The following HTR2C variants were observed in gnomAD, a reference collection of about 807,000 sequenced individuals.
HTR2C encodes 5-hydroxytryptamine receptor 2C, also known as 5-hydroxytryptamine (serotonin) receptor 2C, G protein-coupled.
In HTR2C, 5 loss-of-function variants were observed where a neutral mutation model predicts 21.0. That is an observed-to-expected ratio of 0.24 (90% CI 0.12 to 0.50). The LOEUF is 0.50. HTR2C is among the 20% of genes least tolerant of loss of function. HTR2C has a pLI of 0.98. For missense variants in HTR2C, 271 were observed against 371.2 expected (o/e 0.73, Z 2.22); for synonymous variants, 150 against 145.3 (o/e 1.03, Z -0.23).
intron 4 of HTR2C, among the ~76,000 whole-genome samples, chrX:114,734,059 AAAAT>A (rs2069563415): frequency 9.0e-6 from 1 of 111,578 alleles, no homozygotes; most frequent in African/African-American, 3.3e-5. Flanking sequence ...AATGGTCAAA[AAAAT>A]AGGACAGCAT....
intron 5 of HTR2C, among the ~76,000 whole-genome samples, chrX:114,876,492 G>C (rs782207582): frequency 4.3e-5 from 4 of 92,119 alleles, no homozygotes; most frequent in Admixed American, 1.3e-4. Flanking sequence ...GAAGTGGCAC[G>C]AGTGGGCACC....
intron 2 of HTR2C, among the ~76,000 whole-genome samples, chrX:114,676,356 T>G (rs1556412675): frequency 9.0e-6 from 1 of 111,670 alleles, no homozygotes; most frequent in African/African-American, 3.3e-5. Flanking sequence ...CATTCAGAAT[T>G]ATCTTTAATC....
intron 5 of HTR2C, among the ~76,000 whole-genome samples, chrX:114,853,173 C>T (rs1474042098): frequency 1.8e-5 from 2 of 111,268 alleles, no homozygotes; most frequent in Middle Eastern, 4.6e-3. Flanking sequence ...GTATGAAAAC[C>T]ACTTCAGTGC....
At chrX:114,774,148 T>C (rs2070032715) in intron 4 of HTR2C, among the ~76,000 whole-genome samples, 1 of 112,095 alleles carries the variant, frequency 8.9e-6, no homozygotes, top group Admixed American at 9.5e-5. Flanking sequence ...ATAATATAAT[T>C]ATGTGTATGC....
At chrX:114,619,122 G>A (rs1030230105) in intron 2 of HTR2C, among the ~76,000 whole-genome samples, 5 of 110,983 alleles carry the variant, frequency 4.5e-5, no homozygotes, top group Admixed American at 9.6e-5. Context: ...TAGCATCACG[G>A]GGAATTGCAC....
intron 5 of HTR2C, among the ~76,000 whole-genome samples, chrX:114,874,917 A>T (rs1350927172): frequency 8.9e-6 from 1 of 111,879 alleles, no homozygotes; most frequent in Non-Finnish European, 1.9e-5. Flanking sequence ...TGTGAGTTGT[A>T]TGAATTCCCT....
intron 4 of HTR2C, among the ~76,000 whole-genome samples, chrX:114,830,818 G>A (rs1556460509): frequency 1.3e-5 from 1 of 75,159 alleles, no homozygotes; most frequent in Non-Finnish European, 2.6e-5. Context: ...CTAGCATTAG[G>A]TATATCTCCC....
At chrX:114,656,444 C>A (rs987614580) in intron 2 of HTR2C, among the ~76,000 whole-genome samples, 1 of 111,007 alleles carries the variant, frequency 9.0e-6, no homozygotes. Context: ...CAATTTGTTT[C>A]TTAATGCAAT....
At chrX:114,754,870 G>A (rs1324421500) in intron 4 of HTR2C, among the ~76,000 whole-genome samples, 2 of 111,979 alleles carry the variant, frequency 1.8e-5, no homozygotes, top group African/African-American at 6.5e-5. Flanking sequence ...ATTTGTAAAT[G>A]ATACATCCAA....
chrX:114,694,454 T>C (rs2147862757), intron 2 of HTR2C, among the ~76,000 whole-genome samples: 3 of 2,658 alleles, frequency 1.1e-3, no homozygotes, highest in African/African-American at 2.8e-3. Flanking sequence ...TATATATATA[T>C]ATATATATAT....
At chrX:114,806,628 A>G (rs1341813842) in intron 4 of HTR2C, among the ~76,000 whole-genome samples, 3 of 95,562 alleles carry the variant, frequency 3.1e-5, no homozygotes, top group East Asian at 3.2e-4. Context: ...CCATATATAT[A>G]CCATATATAC....
chrX:114,662,981 G>T (rs1271728379), intron 2 of HTR2C, among the ~76,000 whole-genome samples: 2 of 111,544 alleles, frequency 1.8e-5, no homozygotes, highest in Non-Finnish European at 3.8e-5. Flanking sequence ...AACAGAGAAA[G>T]AAATAGGTGT....
chrX:114,654,545 C>CT lies in HTR2C; in HGVS notation c.-80+40674dup, dbSNP rs1268386967. Among the ~76,000 whole-genome samples the CT allele has an allele frequency of 9.7e-4, 101 of 104,289 alleles. 2 individuals carry two copies. Among genetic ancestry groups the CT allele is most frequent in the Middle Eastern group, 4.9e-3 (1 of 204 alleles). The allele number at this position is 104,289 out of a possible 115,157, so 90.6% of individuals were successfully genotyped here. A position where few individuals can be genotyped will look rare whatever the true frequency, so the allele number is the denominator to read the frequency against. ...AATTTTTTATTGGTTGGCTGTTTTTCTTTTTTTTTTACTGGCACTGAAACT... is the reference window on the plus strand; with the variant it reads ...AATTTTTTATTGGTTGGCTGTTTTTCTTTTTTTTTTTACTGGCACTGAAACT... On this transcript the variant is annotated intron_variant, in intron 2 of 5. Transcript: ENST00000276198.
chrX:114,891,559 G>C (rs1420440840), intron 5 of HTR2C, among the ~76,000 whole-genome samples: 1 of 109,983 alleles, frequency 9.1e-6, no homozygotes, highest in Non-Finnish European at 1.9e-5. Context: ...TCTTTCCCTT[G>C]TGCCTATGGA....
intron 1 of HTR2C, among the ~76,000 whole-genome samples, chrX:114,594,310 A>G (rs1353032146): frequency 9.0e-6 from 1 of 111,427 alleles, no homozygotes; most frequent in African/African-American, 3.2e-5. Flanking sequence ...TTTTTTCTCA[A>G]TAGGGTTTCT....
chrX:114,752,803 A>G (rs1359204834), intron 4 of HTR2C, among the ~76,000 whole-genome samples: 2 of 110,735 alleles, frequency 1.8e-5, no homozygotes, highest in African/African-American at 6.6e-5. Flanking sequence ...CTTCATCCAC[A>G]GTCAATTTTC....
At chrX:114,699,678 T>C (rs1051725367) in intron 2 of HTR2C, among the ~76,000 whole-genome samples, 1 of 112,261 alleles carries the variant, frequency 8.9e-6, no homozygotes. Context: ...CTATGGCTAA[T>C]GGGCATTCAT....
chrX:114,787,551 A>G (rs2070188003), intron 4 of HTR2C, among the ~76,000 whole-genome samples: 1 of 112,174 alleles, frequency 8.9e-6, no homozygotes, highest in Non-Finnish European at 1.9e-5. Context: ...TAGAAAAGGA[A>G]AAATATAAAA....
intron 1 of HTR2C, among the ~76,000 whole-genome samples, chrX:114,588,482 C>T (rs896241326): frequency 4.5e-5 from 5 of 111,526 alleles, no homozygotes; most frequent in East Asian, 2.8e-4. Flanking sequence ...GTTGAATTAG[C>T]GTTAATGGCA....
Sources: allele counts gnomAD v4.1 joint callset (sites outside exome capture counted in the v4.1 genomes callset), GRCh38; gene constraint gnomAD v4.1.1; transcripts MANE v1.5; gene names NCBI Gene and HGNC (gene_info 2026-07-23, HGNC 2026-07-21).